LTBP1: variants seen among roughly 807,000 people sequenced by gnomAD.
LTBP1 encodes the protein latent-transforming growth factor beta-binding protein 1.
A neutral mutation model predicts 207.6 loss-of-function variants in LTBP1; 129 were observed. The observed-to-expected ratio is 0.62, with a 90% CI of 0.54 to 0.72. The LOEUF is 0.72. Ranked by LOEUF, LTBP1 falls within the 30% of genes least tolerant of loss-of-function variation. The pLI is 0.00. For synonymous variants in LTBP1, 963 were observed against 833.7 expected, an observed-to-expected ratio of 1.16 and a Z score of -2.67; for missense variants, 2,281 against 2,217.2, an observed-to-expected ratio of 1.03 and a Z score of -0.58.
At chr2:33,390,603 C>G (rs1187980259) in intron 32 of LTBP1, among the ~76,000 whole-genome samples, 1 of 152,006 alleles carries the variant, frequency 6.6e-6, no homozygotes, top group Admixed American at 6.6e-5. Flanking sequence ...TCCTCCCACC[C>G]CAGTCTCCCG....
intron 20 of LTBP1, among the ~76,000 whole-genome samples, chr2:33,297,693 G>T (rs147953712): frequency 0.028 from 4,280 of 152,112 alleles, 218 homozygotes; most frequent in African/African-American, 0.097. Context: ...CAAAGTGCTG[G>T]TATTACAAGC....
intron 3 of LTBP1, among the ~76,000 whole-genome samples, chr2:33,074,335 G>T (rs2077961758): frequency 1.3e-5 from 2 of 152,112 alleles, no homozygotes; most frequent in African/African-American, 2.4e-5. Context: ...CTCTTGTCAT[G>T]GCCTTTTTCA....
At chr2:33,143,521 G>A (rs2082792321) in intron 5 of LTBP1, among the ~76,000 whole-genome samples, 1 of 152,178 alleles carries the variant, frequency 6.6e-6, no homozygotes, top group South Asian at 2.1e-4. Context: ...TAGGGGCATA[G>A]GAAATAGGAT....
intron 5 of LTBP1, among the ~76,000 whole-genome samples, chr2:33,149,839 G>T (rs776719467): frequency 6.6e-6 from 1 of 152,174 alleles, no homozygotes; most frequent in East Asian, 1.9e-4. Flanking sequence ...AGCTATGGCT[G>T]TTGGAAAAGG....
chr2:33,011,295 A>G (rs947180069), intron 2 of LTBP1, among the ~76,000 whole-genome samples: 2 of 152,132 alleles, frequency 1.3e-5, no homozygotes, highest in African/African-American at 4.8e-5. Flanking sequence ...ACATCCAGAA[A>G]AGCATTGTTA....
At chr2:33,247,855 A>G (rs553343445) in intron 10 of LTBP1, among the ~76,000 whole-genome samples, 1 of 152,388 alleles carries the variant, frequency 6.6e-6, no homozygotes, top group Admixed American at 6.5e-5. Context: ...TGGCAAGCCA[A>G]ATGGGTTAAT....
At chr2:33,057,657 A>T (rs2077068779) in intron 3 of LTBP1, among the ~76,000 whole-genome samples, 1 of 152,234 alleles carries the variant, frequency 6.6e-6, no homozygotes, top group South Asian at 2.1e-4. Context: ...CACCCTCTGC[A>T]GCTGCTGGCC....
chr2:33,263,183 G>T, intron 14 of LTBP1, 111 bp from the exon 15 acceptor site: 1 of 710,198 alleles, frequency 1.4e-6, no homozygotes, highest in South Asian at 1.7e-5. Flanking sequence ...CTTTATATCT[G>T]ACAAATGCTG....
chr2:33,352,250 G>A (rs1364374830), intron 26 of LTBP1, among the ~76,000 whole-genome samples: 1 of 152,060 alleles, frequency 6.6e-6, no homozygotes, highest in Non-Finnish European at 1.5e-5. Context: ...TCCTGCCTCA[G>A]CCTCCTGGGT....
intron 26 of LTBP1, among the ~76,000 whole-genome samples, chr2:33,354,724 A>ACACC (rs1189041048): frequency 7.6e-5 from 10 of 131,932 alleles, no homozygotes; most frequent in African/African-American, 3.1e-4. Context: ...ACACACACAC[A>ACACC]CACACCATTG....
At chr2:33,301,023 A>G (rs900343425) in intron 21 of LTBP1, among the ~76,000 whole-genome samples, 1 of 152,240 alleles carries the variant, frequency 6.6e-6, no homozygotes, top group Non-Finnish European at 1.5e-5. Context: ...AGATTTCTCA[A>G]TAAAACTGTA....
At chr2:33,364,155 A>G in intron 29 of LTBP1, 61 bp from the exon 30 acceptor site, 3 of 1,529,880 alleles carry the variant, frequency 2.0e-6, no homozygotes, top group Non-Finnish European at 2.7e-6. Context: ...AAAGTTTGGG[A>G]AGTGTATGAG....
chr2:33,291,314 G>A (rs2093770344), intron 19 of LTBP1, among the ~76,000 whole-genome samples: 1 of 152,168 alleles, frequency 6.6e-6, no homozygotes, highest in Admixed American at 6.5e-5. Context: ...TGATTTTGCT[G>A]TTATATTCTA....
At chr2:33,328,846 T>C (rs1348683523) in intron 24 of LTBP1, among the ~76,000 whole-genome samples, 1 of 152,232 alleles carries the variant, frequency 6.6e-6, no homozygotes, top group Non-Finnish European at 1.5e-5. Flanking sequence ...TTCGTCTGTC[T>C]TGTCATGTGT....
intron 3 of LTBP1, chr2:33,063,193 C>G (rs531733680): frequency 1.3e-5 from 2 of 151,762 alleles, no homozygotes; most frequent in African/African-American, 4.8e-5. Flanking sequence ...TATTGCTGTT[C>G]GAATTATAGA....
At chr2:33,347,265 C>T (rs1310258619) in intron 25 of LTBP1, 102 bp from the exon 26 acceptor site, 74 of 1,383,736 alleles carry the variant, frequency 5.3e-5, no homozygotes, top group Non-Finnish European at 7.3e-5. Flanking sequence ...TGGGGATCGC[C>T]TTCTTTTCAG....
At chr2:33,372,795 C>T (rs1333045406) in intron 31 of LTBP1, among the ~76,000 whole-genome samples, 1 of 152,072 alleles carries the variant, frequency 6.6e-6, no homozygotes, top group African/African-American at 2.4e-5. Flanking sequence ...ACCCAGGAGG[C>T]GGAGGTTGCA....
chr2:33,346,646 C>G (rs1367452299), intron 25 of LTBP1, among the ~76,000 whole-genome samples: 1 of 151,110 alleles, frequency 6.6e-6, no homozygotes, highest in South Asian at 2.1e-4. Flanking sequence ...GATCACGGCA[C>G]TGCACTCCAG....
At chr2:33,387,510 C>A (rs2095276751) in intron 31 of LTBP1, among the ~76,000 whole-genome samples, 1 of 152,214 alleles carries the variant, frequency 6.6e-6, no homozygotes, top group South Asian at 2.1e-4. Context: ...TGGAATGCTT[C>A]CACATAAGGA....
Sources: gnomAD v4.1 joint callset for allele counts (sites outside exome capture counted in the v4.1 genomes callset) on GRCh38, gnomAD v4.1.1 for gene constraint, MANE v1.5 for transcripts, NCBI Gene and HGNC (gene_info 2026-07-23, HGNC 2026-07-21) for gene names.